Variants in MAP3K5 observed in about 807,000 individuals in gnomAD.
The protein encoded by MAP3K5 is ASK-1.
In MAP3K5, 56 loss-of-function variants were observed where a neutral mutation model predicts 158.7. That is an observed-to-expected ratio of 0.35 (90% CI 0.28 to 0.44). MAP3K5 has a LOEUF of 0.44. Ranked by LOEUF, MAP3K5 falls within the 20% of genes least tolerant of loss-of-function variation. MAP3K5 has a pLI of 1.00. For synonymous variants in MAP3K5, 579 were observed against 601.7 expected, an observed-to-expected ratio of 0.96 and a Z score of 0.55; for missense variants, 1,294 against 1,674.8, an observed-to-expected ratio of 0.77 and a Z score of 3.97.
chr6:136,656,699 A>G (rs1583357380), intron 9 of MAP3K5, among the ~76,000 whole-genome samples: 1 of 150,890 alleles, frequency 6.6e-6, no homozygotes, highest in Admixed American at 6.6e-5. Context: ...ATCTCGGCTC[A>G]CTGCAAGCTC....
chr6:136,594,750 G>C (rs900834406), intron 21 of MAP3K5, among the ~76,000 whole-genome samples: 1 of 152,138 alleles, frequency 6.6e-6, no homozygotes, highest in Admixed American at 6.5e-5. Flanking sequence ...GACTAGTACA[G>C]ACTAGACTAG....
chr6:136,730,608 G>A (rs770345623), intron 1 of MAP3K5, among the ~76,000 whole-genome samples: 2 of 151,586 alleles, frequency 1.3e-5, no homozygotes, highest in Non-Finnish European at 2.9e-5. Context: ...TGTAGTCCCA[G>A]CTACTCAGGA....
intron 1 of MAP3K5, among the ~76,000 whole-genome samples, chr6:136,775,426 C>T (rs1406280896): frequency 6.6e-6 from 1 of 152,156 alleles, no homozygotes; most frequent in Non-Finnish European, 1.5e-5. Context: ...GCTTTCGGCA[C>T]GTAGACCAGG....
At position 136,792,077 on chromosome 6, in the gene MAP3K5, G is replaced by T; in HGVS notation, c.81C>A (p.Gly27=). Residue 27 remains glycine (G), a synonymous_variant, in exon 1 of 30, where the codon GGC becomes GGA. Transcript: ENST00000359015. This position sits in a 1 kb window ranked among gnomAD's most constrained non-coding sequence, Gnocchi z 5.7. Reference sequence around the variant, plus strand: ...CCGCTCCTCCCCTCCTGCAGATGCCGCCCTCGGGGATGGTGCAGAAGCCCG... The same window carrying T: ...CCGCTCCTCCCCTCCTGCAGATGCCTCCCTCGGGGATGGTGCAGAAGCCCG... ...APSGFCTIPE[G]GICRRGGAAA... is the part of the protein sequence containing the mutation. The T allele has an allele frequency of 6.4e-7, 1 of 1,572,558 alleles. No homozygotes were observed. Among genetic ancestry groups the T allele is most frequent in the Non-Finnish European group, 8.6e-7 (1 of 1,164,510 alleles).
chr6:136,718,566 G>A (rs978731022), intron 2 of MAP3K5, among the ~76,000 whole-genome samples: 2 of 152,152 alleles, frequency 1.3e-5, no homozygotes, highest in Admixed American at 6.5e-5. Flanking sequence ...ATAAGAAGCA[G>A]ATAATATGTA....
intron 14 of MAP3K5, among the ~76,000 whole-genome samples, chr6:136,632,906 T>C (rs1411771783): frequency 6.6e-6 from 1 of 152,184 alleles, no homozygotes; most frequent in African/African-American, 2.4e-5. Flanking sequence ...TATGAGTTCA[T>C]TACCCTTCCA....
At chr6:136,623,334 C>T (rs747395634) in intron 14 of MAP3K5, among the ~76,000 whole-genome samples, 2 of 152,166 alleles carry the variant, frequency 1.3e-5, no homozygotes, top group Non-Finnish European at 2.9e-5. Flanking sequence ...CAATGTCTAT[C>T]ACATCTAATA....
chr6:136,765,679 A>ATTTT (rs780589836), intron 1 of MAP3K5, among the ~76,000 whole-genome samples: 1 of 120,022 alleles, frequency 8.3e-6, no homozygotes, highest in Non-Finnish European at 1.7e-5. Flanking sequence ...TGCCTGGCTA[A>ATTTT]TTTTTTTTTT....
intron 7 of MAP3K5, among the ~76,000 whole-genome samples, chr6:136,683,664 A>T (rs1395419503): frequency 6.6e-6 from 1 of 152,192 alleles, no homozygotes. Flanking sequence ...ATAAAACAGA[A>T]TATTCTAAGG....
At chr6:136,662,544 CCTCTCTCTCTTCCTTTCT>C (rs1232044992) in intron 8 of MAP3K5, among the ~76,000 whole-genome samples, 1 of 151,034 alleles carries the variant, frequency 6.6e-6, no homozygotes, top group African/African-American at 2.4e-5. Flanking sequence ...CCTTTCTCTC[CCTCTCTCTCTTCCTTTCT>C]CTCTCTCTCT....
At chr6:136,680,196 C>T (rs73777958) in intron 7 of MAP3K5, among the ~76,000 whole-genome samples, 11,631 of 152,144 alleles carry the variant, frequency 0.076, 771 homozygotes, top group African/African-American at 0.19. Context: ...GAATGGGCAA[C>T]TGTTGTCTAA....
intron 1 of MAP3K5, among the ~76,000 whole-genome samples, chr6:136,756,269 G>T (rs1197270752): frequency 6.6e-6 from 1 of 152,134 alleles, no homozygotes; most frequent in East Asian, 1.9e-4. Flanking sequence ...AGTGAGCTGA[G>T]ATGGTACCTC....
Position 136,613,487 on chromosome 6 carries a change from A to T in MAP3K5, c.2279-231T>A, listed in dbSNP as rs550020816. Among the ~76,000 whole-genome samples the T allele has an allele frequency of 2.6e-4, 40 of 152,344 alleles. No homozygotes were observed. Among genetic ancestry groups the T allele is most frequent in the Non-Finnish European group, 8.8e-5 (6 of 68,032 alleles). Reference sequence around the variant, plus strand: ...AATGTCAATTGCCAACTTTAATTCAAGTCATGATGATAGATACTGAAATGG... The same window carrying T: ...AATGTCAATTGCCAACTTTAATTCATGTCATGATGATAGATACTGAAATGG... On this transcript the variant is annotated intron_variant, in intron 16 of 29. Coordinates refer to ENST00000359015, the MANE Select transcript of MAP3K5 (RefSeq NM_005923.4). This position sits in a 1 kb window ranked among gnomAD's most constrained non-coding sequence, Gnocchi z 4.0.
chr6:136,792,430 C>T lies in MAP3K5; in HGVS notation c.-273G>A. The T allele has an allele frequency of 2.1e-6, 2 of 953,220 alleles. No homozygotes were observed. Among genetic ancestry groups the T allele is most frequent in the Non-Finnish European group, 2.5e-6 (2 of 800,634 alleles). 59.0% of individuals were successfully genotyped at this position (953,220 alleles called of 1,614,324 possible). A position where few individuals can be genotyped will look rare whatever the true frequency, so the allele number is the denominator to read the frequency against. ...ACAAGGGGTGGGGAAGCCGGGTGAG[C>T]GGGAAGGGACGGAGCTTCCTTTTCT... On this transcript the variant is annotated 5_prime_UTR_variant, in exon 1 of 30. Coordinates refer to ENST00000359015, the MANE Select transcript of MAP3K5 (RefSeq NM_005923.4). The surrounding 1 kb of genome is among the most constrained non-coding windows in gnomAD (Gnocchi z 5.7).
intron 1 of MAP3K5, among the ~76,000 whole-genome samples, chr6:136,726,410 T>C (rs970246353): frequency 2.0e-5 from 3 of 152,184 alleles, no homozygotes; most frequent in Non-Finnish European, 4.4e-5. Flanking sequence ...CTGGCCAACA[T>C]GGTGAAACCC....
chr6:136,607,188 C>T (rs2129088285), intron 18 of MAP3K5, among the ~76,000 whole-genome samples: 1 of 152,082 alleles, frequency 6.6e-6, no homozygotes, highest in South Asian at 2.1e-4. Flanking sequence ...TGCATCGAAG[C>T]CTACCACCCC....
chr6:136,791,333 A>G (rs901620831), intron 1 of MAP3K5, among the ~76,000 whole-genome samples: 8 of 152,224 alleles, frequency 5.3e-5, no homozygotes, highest in Non-Finnish European at 1.0e-4. Flanking sequence ...AAACGGTCAC[A>G]GGTATATGCA....
intron 18 of MAP3K5, among the ~76,000 whole-genome samples, chr6:136,610,389 A>G (rs1024734830): frequency 6.6e-6 from 1 of 152,050 alleles, no homozygotes; most frequent in African/African-American, 2.4e-5. Flanking sequence ...TGCGTTGCCT[A>G]CTTTCTCAGG....
chr6:136,607,836 A>C (rs1287684921), intron 18 of MAP3K5, among the ~76,000 whole-genome samples: 1 of 152,222 alleles, frequency 6.6e-6, no homozygotes, highest in Non-Finnish European at 1.5e-5. Flanking sequence ...ACCTGGGCTT[A>C]TGTTTTTGCA....
Sources: allele counts gnomAD v4.1 joint callset (sites outside exome capture counted in the v4.1 genomes callset), GRCh38; gene constraint gnomAD v4.1.1; non-coding constraint Gnocchi (gnomAD v3.1); transcripts MANE v1.5; gene names NCBI Gene and HGNC (gene_info 2026-07-23, HGNC 2026-07-21).